Variants in VHL observed in about 807,000 individuals in gnomAD.
VHL encodes von Hippel-Lindau disease tumor suppressor.
A neutral mutation model predicts 19.2 loss-of-function variants in VHL; 10 were observed. The ratio of observed to expected loss-of-function variants is 0.52; its 90% CI spans 0.32 to 0.89. The LOEUF (loss-of-function observed/expected upper bound fraction) is 0.89, where lower values mean the gene tolerates loss of function less well. Among genes scored for constraint, VHL ranks in the 40% least tolerant of loss-of-function variants. The pLI, the probability that VHL is intolerant of heterozygous loss-of-function variation, is 0.03. For missense variants in VHL, 328 were observed against 292.7 expected (o/e 1.12, Z -0.88); for synonymous variants, 167 against 129.5 (o/e 1.29, Z -1.97).
chr3:10,148,384 G>T (rs1309239012), intron 2 of VHL, among the ~76,000 whole-genome samples: 1 of 137,052 alleles, frequency 7.3e-6, no homozygotes, highest in Non-Finnish European at 1.5e-5. Context: ...GCGGGATCTC[G>T]GCTCACTGCA....
At chr3:10,143,924 C>G (rs1325372112) in intron 1 of VHL, among the ~76,000 whole-genome samples, 2 of 152,158 alleles carry the variant, frequency 1.3e-5, no homozygotes, top group Non-Finnish European at 2.9e-5. Context: ...AGGCAGTAAT[C>G]TTGCCATGGC....
chr3:10,151,913 A>T lies in VHL; in HGVS notation c.*1948A>T, dbSNP rs1430759880. Reference sequence around the variant, plus strand: ...AACCCATCTATACAAAAAATTTTTAAAAATTAGCATGGCGGCACACATCTG... The same window carrying T: ...AACCCATCTATACAAAAAATTTTTATAAATTAGCATGGCGGCACACATCTG... On this transcript the variant is annotated 3_prime_UTR_variant, in exon 3 of 3. Coordinates refer to ENST00000256474, the MANE Select transcript of VHL (RefSeq NM_000551.4). 1 of 183,184 alleles carries T rather than the reference A, an allele frequency of 5.5e-6. No homozygotes were observed. Among genetic ancestry groups the T allele is most frequent in the Non-Finnish European group, 1.1e-5 (1 of 87,432 alleles). The allele number at this position is 183,184 out of a possible 1,614,324, so 11.3% of individuals were successfully genotyped here.
intron 1 of VHL, 52 bp from the exon 2 acceptor site, chr3:10,146,462 C>T (rs2125128110): frequency 1.9e-6 from 3 of 1,609,330 alleles, no homozygotes; most frequent in Non-Finnish European, 2.5e-6. Flanking sequence ...GTGTGGGCCA[C>T]CGTGCCCAGC....
rs2125130960 is a variant in VHL at position 10,149,988 on chromosome 3, T to A, written c.*23T>A. On this transcript the variant is annotated 3_prime_UTR_variant, in exon 3 of 3. Coordinates refer to ENST00000256474, the MANE Select transcript of VHL (RefSeq NM_000551.4). ...TGAAGATTTCTGTTGAAACTTACAC[T>A]GTTTCATCTCAGCTTTTGATGGTAC... 6.2e-7 allele frequency: 1 copy of A among 1,607,592 alleles called. No individual in the cohort carries two copies. The highest frequency in any genetic ancestry group is 1.1e-5 in the South Asian group (1 of 90,068).
rs71052299 is a variant in VHL at position 10,152,481 on chromosome 3, CTTTTTTTTTTTT to C, written c.*2534_*2545del. On this transcript the variant is annotated 3_prime_UTR_variant, in exon 3 of 3. Transcript: ENST00000256474. ...CTCCTTTCAACATTCAACAAATAGT[CTTTTTTTTTTTT>C]TTTTTTTTTTTTTTTTTGAGATGGA... Among the ~76,000 whole-genome samples, 1 of 64,514 alleles carries C rather than the reference CTTTTTTTTTTTT, an allele frequency of 1.6e-5. No individual in the cohort carries two copies. The highest frequency in any genetic ancestry group is 6.4e-5 in the African/African-American group (1 of 15,584). 42.3% of individuals were successfully genotyped at this position (64,514 alleles called of 152,430 possible).
intron 1 of VHL, among the ~76,000 whole-genome samples, 154 bp downstream of exon 1, chr3:10,142,341 CTTTTTTTT>C (rs556405301): frequency 2.8e-5 from 3 of 107,950 alleles, no homozygotes; most frequent in South Asian, 3.0e-4. Flanking sequence ...TCAGAGCATT[CTTTTTTTT>C]TTTTTTTTTT....
intron 1 of VHL, among the ~76,000 whole-genome samples, chr3:10,145,432 G>A (rs866698462): frequency 2.6e-5 from 4 of 151,894 alleles, no homozygotes; most frequent in African/African-American, 9.7e-5. Context: ...TGGGCCAGGC[G>A]CAGTGGCTCA....
rs1696473182 is a variant in VHL, at chr3:10,153,574, TA to T, written c.*3611del. ...GTGAATGTATTAAATATATCGCTCTTAAGAGACGGTGAAGTTCCTATTTCAA... is the reference window on the plus strand; with the variant it reads ...GTGAATGTATTAAATATATCGCTCTTAGAGACGGTGAAGTTCCTATTTCAA... On this transcript the variant is annotated 3_prime_UTR_variant, in exon 3 of 3. Transcript: ENST00000256474. Among the ~76,000 whole-genome samples, 1 of 151,436 alleles carries T rather than the reference TA, an allele frequency of 6.6e-6. No individual in the cohort carries two copies. The highest frequency in any genetic ancestry group is 1.5e-5 in the Non-Finnish European group (1 of 67,954).
chr3:10,147,346 G>A (rs1696286410), intron 2 of VHL, among the ~76,000 whole-genome samples: 1 of 140,518 alleles, frequency 7.1e-6, no homozygotes, highest in South Asian at 2.3e-4. Context: ...AGCTCACAGT[G>A]CCAATCAGAG....
chr3:10,148,766 T>C (rs1046121619), intron 2 of VHL, among the ~76,000 whole-genome samples: 13 of 151,040 alleles, frequency 8.6e-5, no homozygotes, highest in African/African-American at 3.2e-4. Flanking sequence ...CTGCAACCTC[T>C]GCCTCTCGGG....
At chr3:10,143,850 C>G (rs541153406) in intron 1 of VHL, among the ~76,000 whole-genome samples, 4 of 152,146 alleles carry the variant, frequency 2.6e-5, no homozygotes, top group African/African-American at 4.8e-5. Flanking sequence ...AGACTGCTGT[C>G]GAGGAAGCAG....
intron 2 of VHL, among the ~76,000 whole-genome samples, chr3:10,147,424 G>T (rs1487900900): frequency 6.6e-6 from 1 of 151,408 alleles, no homozygotes; most frequent in Admixed American, 6.6e-5. Flanking sequence ...GAGTGCAGTG[G>T]TGCGATTTCA....
intron 1 of VHL, among the ~76,000 whole-genome samples, chr3:10,145,110 C>A: frequency 6.6e-6 from 1 of 152,132 alleles, no homozygotes; most frequent in Non-Finnish European, 1.5e-5. Context: ...AGGAGAATTG[C>A]TTGAACCTGG....
chr3:10,149,775 T>C lies in VHL; in HGVS notation c.464-12T>C, dbSNP rs746646171. On this transcript the variant is annotated splice_polypyrimidine_tract_variant and intron_variant, in intron 2 of 2. Transcript: ENST00000256474. ...TAGTCTGCCACTGAGGATTTGGTTTTTGCCCTTCCAGTGTATACTCTGAAA... is the reference window on the plus strand; with the variant it reads ...TAGTCTGCCACTGAGGATTTGGTTTCTGCCCTTCCAGTGTATACTCTGAAA... The C allele has an allele frequency of 3.7e-6, 6 of 1,613,532 alleles. No individual in the cohort carries two copies. The highest frequency in any genetic ancestry group is 4.2e-6 in the Non-Finnish European group (5 of 1,179,858).
intron 2 of VHL, 80 bp downstream of exon 2, chr3:10,146,716 T>C (rs991457989): frequency 2.5e-6 from 4 of 1,592,174 alleles, no homozygotes; most frequent in Non-Finnish European, 3.4e-6. Context: ...TAAGCCCAGT[T>C]CTCAATTTTT....
chr3:10,142,221 G>A (rs2125125476), intron 1 of VHL, 34 bp downstream of exon 1: 1 of 1,585,760 alleles, frequency 6.3e-7, no homozygotes, highest in South Asian at 1.1e-5. Flanking sequence ...GACCCAGCAG[G>A]GACGATAGCA....
At position 10,142,042 on chromosome 3, in the gene VHL, G is replaced by A. The variant is rs1553619409; in HGVS notation, c.195G>A (p.Ser65=). The A allele has an allele frequency of 6.2e-7, 1 of 1,603,104 alleles. No homozygotes were observed. The highest frequency in any genetic ancestry group is 8.5e-7 in the Non-Finnish European group (1 of 1,176,738). Residue 65 remains serine, a synonymous_variant, in exon 1 of 3, where the codon TCG becomes TCA. Coordinates refer to ENST00000256474, the MANE Select transcript of VHL (RefSeq NM_000551.4). ...EAGRPRPVLR[S]VNSREPSQVI... ...GGCGGCCGCGGCCCGTGCTGCGCTC[G>A]GTGAACTCGCGCGAGCCCTCCCAGG...
At position 10,151,716 on chromosome 3, in the gene VHL, T is replaced by C. The variant is rs1030208570; in HGVS notation, c.*1751T>C. On this transcript the variant is annotated 3_prime_UTR_variant, in exon 3 of 3. Transcript: ENST00000256474. ...ATAATTAATGTTTGTGGGTATTTCTTGGCATGCATCTTTAATTCCTTATCC... is the reference window on the plus strand; with the variant it reads ...ATAATTAATGTTTGTGGGTATTTCTCGGCATGCATCTTTAATTCCTTATCC... The C allele has an allele frequency of 1.4e-5, 3 of 207,996 alleles. No homozygotes were observed. Among genetic ancestry groups the C allele is most frequent in the Non-Finnish European group, 2.9e-5 (3 of 102,318 alleles). The allele number at this position is 207,996 out of a possible 1,614,324, so 12.9% of individuals were successfully genotyped here.
Position 10,151,932 on chromosome 3 carries a change from A to C in VHL, c.*1967A>C, listed in dbSNP as rs1444268841. ...TTTTTAAAAATTAGCATGGCGGCAC[A>C]CATCTGTAATCCTAGCTACTTGGCA... On this transcript the variant is annotated 3_prime_UTR_variant, in exon 3 of 3. Coordinates refer to ENST00000256474, the MANE Select transcript of VHL (RefSeq NM_000551.4). The C allele has an allele frequency of 5.7e-6, 1 of 176,278 alleles. No individual in the cohort carries two copies. Among genetic ancestry groups the C allele is most frequent in the Non-Finnish European group, 1.2e-5 (1 of 85,980 alleles). The allele number at this position is 176,278 out of a possible 1,614,324, so 10.9% of individuals were successfully genotyped here.
Sources: gnomAD v4.1 joint callset for allele counts (sites outside exome capture counted in the v4.1 genomes callset) on GRCh38, gnomAD v4.1.1 for gene constraint, MANE v1.5 for transcripts, NCBI Gene and HGNC (gene_info 2026-07-23, HGNC 2026-07-21) for gene names.